FHIP1A: variants seen among roughly 807,000 people sequenced by gnomAD.
FHIP1A encodes the protein FHF complex subunit HOOK-interacting protein 1A.
A neutral mutation model predicts 88.6 loss-of-function variants in FHIP1A; 61 were observed. The ratio of observed to expected loss-of-function variants is 0.69; its 90% CI spans 0.56 to 0.85. The LOEUF is 0.85. FHIP1A is among the 40% of genes least tolerant of loss of function. The probability of loss-of-function intolerance (pLI) is 0.00; values close to 1 mark genes in which losing one functional copy is unlikely to be tolerated. For synonymous variants in FHIP1A, 478 were observed against 496.0 expected (o/e 0.96, Z 0.48); for missense variants, 1,154 against 1,273.5 (o/e 0.91, Z 1.43).
At chr4:151,575,427 C>T (rs1733749934) in intron 4 of FHIP1A, among the ~76,000 whole-genome samples, 1 of 152,102 alleles carries the variant, frequency 6.6e-6, no homozygotes, top group South Asian at 2.1e-4. Context: ...AGTGTTGCTG[C>T]TGCTAGGAAG....
chr4:151,559,872 A>T (rs1321879276), intron 3 of FHIP1A, among the ~76,000 whole-genome samples: 1 of 152,136 alleles, frequency 6.6e-6, no homozygotes, highest in Admixed American at 6.5e-5. Flanking sequence ...TGCTCTGTTC[A>T]TAGCAGAACT....
At chr4:151,483,035 G>A (rs893363416) in intron 3 of FHIP1A, among the ~76,000 whole-genome samples, 1 of 151,988 alleles carries the variant, frequency 6.6e-6, no homozygotes, top group Non-Finnish European at 1.5e-5. Flanking sequence ...TTTTCTTTTT[G>A]TAATTTGAAG....
At chr4:151,542,362 C>T (rs1038896383) in intron 3 of FHIP1A, among the ~76,000 whole-genome samples, 1 of 152,170 alleles carries the variant, frequency 6.6e-6, no homozygotes, top group Admixed American at 6.5e-5. Flanking sequence ...TCCACATCCC[C>T]TGCTTTTTTT....
chr4:151,555,873 A>T (rs557040788), intron 3 of FHIP1A, among the ~76,000 whole-genome samples: 31 of 152,288 alleles, frequency 2.0e-4, no homozygotes, highest in Non-Finnish European at 4.1e-4. Flanking sequence ...TAGAATACTG[A>T]TTATGTTAGA....
intron 3 of FHIP1A, among the ~76,000 whole-genome samples, chr4:151,507,048 C>T (rs763927715): frequency 1.3e-5 from 2 of 152,110 alleles, no homozygotes; most frequent in East Asian, 3.9e-4. Flanking sequence ...GTTGAGATTT[C>T]CTACCCAGAA....
chr4:151,482,503 T>C (rs957599816), intron 2 of FHIP1A, 21 bp from the exon 3 acceptor site: 4 of 152,062 alleles, frequency 2.6e-5, no homozygotes, highest in African/African-American at 9.7e-5. Context: ...TATTAATTAT[T>C]ATTTTTATTC....
chr4:151,480,685 T>C (rs1191047590), intron 2 of FHIP1A, among the ~76,000 whole-genome samples: 1 of 152,070 alleles, frequency 6.6e-6, no homozygotes, highest in Non-Finnish European at 1.5e-5. Context: ...AAGGCTGATT[T>C]GAGGGTATTG....
intron 3 of FHIP1A, among the ~76,000 whole-genome samples, chr4:151,508,332 T>G (rs1207301093): frequency 1.3e-5 from 2 of 152,190 alleles, no homozygotes; most frequent in African/African-American, 4.8e-5. Flanking sequence ...GGTCCTGCCT[T>G]CATGTGCAGC....
intron 5 of FHIP1A, among the ~76,000 whole-genome samples, chr4:151,583,310 T>C (rs989452115): frequency 1.3e-5 from 2 of 152,248 alleles, no homozygotes; most frequent in South Asian, 2.1e-4. Flanking sequence ...GAGGCACTTT[T>C]TGTAGTGGCA....
intron 3 of FHIP1A, among the ~76,000 whole-genome samples, chr4:151,531,805 C>T (rs893195046): frequency 3.3e-5 from 5 of 152,144 alleles, no homozygotes; most frequent in African/African-American, 1.2e-4. Context: ...ATGTGCAATG[C>T]ATGCCACTTA....
intron 3 of FHIP1A, among the ~76,000 whole-genome samples, chr4:151,502,157 GAA>G: frequency 8.8e-6 from 1 of 114,178 alleles, no homozygotes. Flanking sequence ...CTCTACAAAA[GAA>G]AAAAAAAAAA....
chr4:151,661,757 C>T (rs564431413), intron 13 of FHIP1A, among the ~76,000 whole-genome samples: 2 of 152,284 alleles, frequency 1.3e-5, no homozygotes, highest in South Asian at 2.1e-4. Flanking sequence ...AATTTGAACT[C>T]ATCTTAAGCC....
In FHIP1A at chr4:151,670,175, C is replaced by T. The variant is rs1737811306; in HGVS notation, c.*7421C>T. ...CAGAGGTAACAAAGGCATATATATA[C>T]CGAACAAAGGTGCTCCGGTGCAGTG... On this transcript the variant is annotated 3_prime_UTR_variant, in exon 14 of 14. Transcript: ENST00000435205. 6.6e-6 allele frequency: 1 copy of T among 152,152 alleles called. No individual in the cohort carries two copies. The highest frequency in any genetic ancestry group is 1.5e-5 in the Non-Finnish European group (1 of 68,032). The allele number at this position is 152,152 out of a possible 1,614,324, so 9.4% of individuals were successfully genotyped here.
intron 3 of FHIP1A, among the ~76,000 whole-genome samples, chr4:151,542,533 T>C (rs1338391497): frequency 6.6e-6 from 1 of 152,184 alleles, no homozygotes; most frequent in Non-Finnish European, 1.5e-5. Flanking sequence ...AACAGCCTCG[T>C]TTGCCTCATG....
At chr4:151,559,155 T>C (rs1733071590) in intron 3 of FHIP1A, among the ~76,000 whole-genome samples, 1 of 152,210 alleles carries the variant, frequency 6.6e-6, no homozygotes. Context: ...CTTTTATCCC[T>C]ACTCATACCC....
chr4:151,418,370 T>C (rs1214449050), intron 1 of FHIP1A, among the ~76,000 whole-genome samples: 3 of 152,164 alleles, frequency 2.0e-5, no homozygotes, highest in East Asian at 1.9e-4. Context: ...TTTAGGACCT[T>C]GCATGTCCTA....
chr4:151,650,091 C>G lies in FHIP1A; in HGVS notation c.2050C>G (p.Leu684Val). ...GAGTGTCCCCATCAACAACGGCCCC[C>G]TCCTCAGCACCCAGCCAGAGACAGA... ...VQSVPINNGP[L>V]LSTQPETDSE... The change falls in exon 11 of 14, where the codon CTC becomes GTC. Residue 684 changes from leucine (L) to valine (V), a missense_variant. Coordinates refer to ENST00000435205, the MANE Select transcript of FHIP1A (RefSeq NM_001109977.3). 1 of 1,551,694 alleles carries G rather than the reference C, an allele frequency of 6.4e-7. No homozygotes were observed. Among genetic ancestry groups the G allele is most frequent in the African/African-American group, 1.4e-5 (1 of 73,162 alleles).
chr4:151,453,505 T>C (rs967624735), intron 1 of FHIP1A, among the ~76,000 whole-genome samples: 29 of 152,352 alleles, frequency 1.9e-4, no homozygotes, highest in African/African-American at 6.5e-4. Context: ...AAGTTTATTG[T>C]ATGCATTAAA....
chr4:151,604,335 G>A (rs1007278035), intron 7 of FHIP1A, among the ~76,000 whole-genome samples: 2 of 151,958 alleles, frequency 1.3e-5, no homozygotes, highest in East Asian at 3.9e-4. Flanking sequence ...GCTCTTTCCT[G>A]AAACCCCTGG....
Sources: gnomAD v4.1 joint callset for allele counts (sites outside exome capture counted in the v4.1 genomes callset) on GRCh38, gnomAD v4.1.1 for gene constraint, MANE v1.5 for transcripts, NCBI Gene and HGNC (gene_info 2026-07-23, HGNC 2026-07-21) for gene names.